The following HYDIN variants were observed in gnomAD, a reference collection of about 807,000 sequenced individuals.
The protein encoded by HYDIN is axonemal central pair apparatus protein HYDIN.
In HYDIN, 132 loss-of-function variants were observed where a neutral mutation model predicts 403.9. That is an observed-to-expected ratio of 0.33 (90% CI 0.28 to 0.38). HYDIN has a LOEUF of 0.38. Ranked by LOEUF, HYDIN falls within the 10% of genes least tolerant of loss-of-function variation. The pLI, the probability that HYDIN is intolerant of heterozygous loss-of-function variation, is 1.00. For synonymous variants in HYDIN, 1,202 were observed against 1,891.7 expected, an observed-to-expected ratio of 0.64 and a Z score of 9.46; for missense variants, 2,827 against 5,009.5, an observed-to-expected ratio of 0.56 and a Z score of 13.15.
At chr16:70,988,820 A>AT (rs997870934) in intron 25 of HYDIN, among the ~76,000 whole-genome samples, 6 of 144,146 alleles carry the variant, frequency 4.2e-5, no homozygotes, top group Non-Finnish European at 3.0e-5. Context: ...ACAACATATT[A>AT]TTGAGTGAAA....
At chr16:71,109,721 C>T (rs1350649526) in intron 10 of HYDIN, among the ~76,000 whole-genome samples, 3 of 135,350 alleles carry the variant, frequency 2.2e-5, no homozygotes, top group African/African-American at 1.1e-4. Flanking sequence ...TTATACTATT[C>T]GGCTTACCCA....
intron 29 of HYDIN, among the ~76,000 whole-genome samples, chr16:70,980,619 A>G (rs1202712974): frequency 4.0e-5 from 6 of 151,348 alleles, no homozygotes; most frequent in African/African-American, 1.5e-4. Flanking sequence ...GATTATGAAC[A>G]GGAGAGTTAG....
At chr16:71,031,569 C>T (rs2080912824) in intron 19 of HYDIN, 110 bp downstream of exon 19, 1 of 1,331,660 alleles carries the variant, frequency 7.5e-7, no homozygotes, top group Admixed American at 2.8e-5. Flanking sequence ...AGGAGAGGGA[C>T]TGAGGTGGCT....
At chr16:71,213,684 A>G (rs1057136965) in intron 1 of HYDIN, among the ~76,000 whole-genome samples, 1 of 152,190 alleles carries the variant, frequency 6.6e-6, no homozygotes, top group African/African-American at 2.4e-5. Flanking sequence ...AAAATTATAT[A>G]TAGCCTCAAC....
chr16:70,920,434 G>A (rs2076958657), intron 46 of HYDIN, among the ~76,000 whole-genome samples, 157 bp downstream of exon 46: 1 of 151,772 alleles, frequency 6.6e-6, no homozygotes, highest in Non-Finnish European at 1.5e-5. Context: ...AGTAGAAAAG[G>A]TCCTTTAGTC....
At chr16:70,996,178 C>T (rs1276850886) in intron 23 of HYDIN, among the ~76,000 whole-genome samples, 3 of 152,000 alleles carry the variant, frequency 2.0e-5, no homozygotes, top group South Asian at 2.1e-4. Flanking sequence ...CACATCTTCC[C>T]CTAGTTTTCT....
intron 10 of HYDIN, among the ~76,000 whole-genome samples, chr16:71,097,716 T>A (rs1288278937): frequency 7.4e-5 from 11 of 148,124 alleles, no homozygotes; most frequent in African/African-American, 2.3e-4. Context: ...GATAGTTCAA[T>A]GGTTTTCCTT....
At chr16:71,201,487 G>A (rs1016675117) in intron 1 of HYDIN, among the ~76,000 whole-genome samples, 2 of 152,188 alleles carry the variant, frequency 1.3e-5, no homozygotes, top group South Asian at 2.1e-4. Flanking sequence ...CAATCCAGGA[G>A]TGGCCTATCC....
At chr16:70,949,472 AAAAC>A (rs905768916) in intron 41 of HYDIN, among the ~76,000 whole-genome samples, 6 of 152,200 alleles carry the variant, frequency 3.9e-5, no homozygotes, top group Admixed American at 3.9e-4. Flanking sequence ...AAAAAAAACA[AAAAC>A]AAGAAACAAA....
At chr16:70,900,031 G>A (rs7186939) in intron 53 of HYDIN, among the ~76,000 whole-genome samples, 2,433 of 151,272 alleles carry the variant, frequency 0.016, 23 homozygotes, top group African/African-American at 0.056. Flanking sequence ...GTTAGGTGGG[G>A]CATAACCTGT....
chr16:70,999,908 T>C (rs1022364560), intron 23 of HYDIN, among the ~76,000 whole-genome samples: 2 of 152,206 alleles, frequency 1.3e-5, no homozygotes, highest in African/African-American at 2.4e-5. Context: ...GATGGATTTC[T>C]GTGTAAAAAG....
chr16:70,883,940 A>G lies in HYDIN; in HGVS notation c.9959T>C (p.Leu3320Pro). The G allele has an allele frequency of 6.2e-7, 1 of 1,613,868 alleles. No homozygotes were observed. The highest frequency in any genetic ancestry group is 8.5e-7 in the Non-Finnish European group (1 of 1,180,032). ...AGTACCTGGTAGACAGGCTTCAGCT[A>G]GCAAAGTGTAAAGAATGCCGGCAGG... ...VHPAGILYTL[L>P]AEACLPAFVT... Residue 3320 changes from leucine to proline, a missense_variant, in exon 59 of 86, where the codon CTA (leucine) becomes CCA (proline). Physicochemically the swap from Leu to Pro is moderately conservative, Grantham distance 98. Transcript: ENST00000393567.
At chr16:70,933,319 A>C (rs1374244866) in intron 45 of HYDIN, among the ~76,000 whole-genome samples, 2 of 151,312 alleles carry the variant, frequency 1.3e-5, no homozygotes, top group Non-Finnish European at 2.9e-5. Flanking sequence ...CTGGGAGCTG[A>C]AAGAAGGGTT....
intron 1 of HYDIN, among the ~76,000 whole-genome samples, chr16:71,215,925 G>T (rs992880682): frequency 1.3e-5 from 2 of 152,068 alleles, no homozygotes; most frequent in African/African-American, 4.8e-5. Context: ...ACCACAAGAT[G>T]CCCCTACACA....
chr16:70,813,374 C>A (rs966623653), intron 84 of HYDIN, among the ~76,000 whole-genome samples: 4 of 152,002 alleles, frequency 2.6e-5, no homozygotes, highest in African/African-American at 9.7e-5. Flanking sequence ...AGCCTCCAGC[C>A]AACAGCCAGC....
chr16:70,893,374 C>T (rs1186473730), intron 55 of HYDIN, among the ~76,000 whole-genome samples: 2 of 152,084 alleles, frequency 1.3e-5, no homozygotes, highest in African/African-American at 4.8e-5. Context: ...GGAAGGAGAA[C>T]TTTCCATGGA....
chr16:70,978,716 A>T (rs1343001413), intron 30 of HYDIN, among the ~76,000 whole-genome samples, 198 bp downstream of exon 30: 3 of 152,066 alleles, frequency 2.0e-5, no homozygotes, highest in Non-Finnish European at 4.4e-5. Context: ...TAGCTTCCTG[A>T]TTCTTTGCCT....
In HYDIN at chr16:71,067,382, T is replaced by C. The variant is rs146543983; in HGVS notation, c.1983A>G (p.Leu661=). ...PQGFAAIRVT[L]CSNTVQKYEL... is the part of the protein sequence containing the mutation. ...CGTATTTCTGCACAGTGTTGGAGCATAATGTCACCTGGAAAGAAAAAGGTG... is the reference window on the plus strand; with the variant it reads ...CGTATTTCTGCACAGTGTTGGAGCACAATGTCACCTGGAAAGAAAAAGGTG... The change falls in exon 15 of 86, where the codon TTA becomes TTG. Residue 661 remains leucine, a synonymous_variant. Transcript: ENST00000393567. 2 of 1,606,104 alleles carry C rather than the reference T, an allele frequency of 1.2e-6. No homozygotes were observed. The highest frequency in any genetic ancestry group is 2.7e-5 in the African/African-American group (2 of 74,336).
intron 9 of HYDIN, among the ~76,000 whole-genome samples, chr16:71,124,251 A>T (rs1187355953): frequency 6.6e-6 from 1 of 152,230 alleles, no homozygotes; most frequent in African/African-American, 2.4e-5. Context: ...AGGTGACGGA[A>T]GGGACACAAC....
Sources: gnomAD v4.1 joint callset for allele counts (sites outside exome capture counted in the v4.1 genomes callset) on GRCh38, gnomAD v4.1.1 for gene constraint, MANE v1.5 for transcripts, NCBI Gene and HGNC (gene_info 2026-07-23, HGNC 2026-07-21) for gene names.